LRRC37A2: variants seen among roughly 807,000 people sequenced by gnomAD.
LRRC37A2 encodes the protein leucine-rich repeat-containing protein 37A2.
LRRC37A2 carries 9 observed loss-of-function variants against 68.8 expected under a neutral mutation model. That is an observed-to-expected ratio of 0.13 (90% CI 0.08 to 0.23). LRRC37A2 has a LOEUF of 0.23. Ranked by LOEUF, LRRC37A2 falls within the 10% of genes least tolerant of loss-of-function variation. LRRC37A2 has a pLI of 1.00. For missense variants in LRRC37A2, 168 were observed against 950.4 expected, an observed-to-expected ratio of 0.18 and a Z score of 10.82; for synonymous variants, 63 against 367.6, an observed-to-expected ratio of 0.17 and a Z score of 9.48.
At chr17:46,833,446 T>A in the LRRC37A2 span, 1 of 512,104 alleles carries the variant, frequency 2.0e-6, no homozygotes, top group Non-Finnish European at 3.9e-6. Context: ...AGAAGGTGAG[T>A]GTTAGGGAGG....
At chr17:46,921,511 A>G in the LRRC37A2 span, among the ~76,000 whole-genome samples, 1 of 152,264 alleles carries the variant, frequency 6.6e-6, no homozygotes, top group Non-Finnish European at 1.5e-5. Flanking sequence ...GAGCTTCTGC[A>G]CAGCAAAAGA....
At chr17:46,839,950 TTC>T in the LRRC37A2 span, among the ~76,000 whole-genome samples, 1 of 148,880 alleles carries the variant, frequency 6.7e-6, no homozygotes, top group East Asian at 1.9e-4. Flanking sequence ...CTTTCTTTCT[TTC>T]TTTCTTTCTT....
At chr17:46,725,631 A>C in the LRRC37A2 span, among the ~76,000 whole-genome samples, 1 of 152,188 alleles carries the variant, frequency 6.6e-6, no homozygotes, top group Non-Finnish European at 1.5e-5. Flanking sequence ...TTCTGTACCT[A>C]ATTATAAGTC....
At position 46,537,161 on chromosome 17, in the gene LRRC37A2, C is replaced by CT. The variant is rs1212155417; in HGVS notation, c.2907-2990dup. Among the ~76,000 whole-genome samples, 26 of 7,778 alleles carry CT rather than the reference C, an allele frequency of 3.3e-3. 7 individuals carry two copies. The highest frequency in any genetic ancestry group is 5.8e-3 in the Non-Finnish European group (23 of 3,960). The allele number at this position is 7,778 out of a possible 152,430, so 5.1% of individuals were successfully genotyped here. ...TGAAGGGATGAATTTTTGGATGTCT[C>CT]TTTTTTTTTTTTTTTTTTTTTTTTT... On this transcript the variant is annotated intron_variant, in intron 6 of 14. Transcript: ENST00000576629.
At chr17:46,718,355 A>G in the LRRC37A2 span, among the ~76,000 whole-genome samples, 1 of 152,256 alleles carries the variant, frequency 6.6e-6, no homozygotes, top group Non-Finnish European at 1.5e-5. Context: ...AAAATTATGT[A>G]TAGATCAAAA....
At chr17:47,014,298 G>A in the LRRC37A2 span, among the ~76,000 whole-genome samples, 3 of 148,628 alleles carry the variant, frequency 2.0e-5, no homozygotes, top group Admixed American at 2.0e-4. Context: ...GCTGAGGCAT[G>A]AAAATCGCTT....
the LRRC37A2 span, among the ~76,000 whole-genome samples, chr17:46,824,623 C>T: frequency 2.6e-5 from 4 of 152,352 alleles, no homozygotes; most frequent in East Asian, 7.7e-4. Flanking sequence ...TGTGAAATCT[C>T]CACAAAGAAA....
the LRRC37A2 span, among the ~76,000 whole-genome samples, chr17:46,883,990 C>A: frequency 3.3e-5 from 5 of 152,296 alleles, no homozygotes; most frequent in Middle Eastern, 3.4e-3. Context: ...TGAGCCCCTA[C>A]CCCTGCCCCA....
the LRRC37A2 span, among the ~76,000 whole-genome samples, chr17:46,695,361 T>C: frequency 9.9e-6 from 1 of 100,704 alleles, no homozygotes; most frequent in African/African-American, 4.4e-5. Context: ...TTCAAGCTAT[T>C]GGGCTGGAGA....
the LRRC37A2 span, among the ~76,000 whole-genome samples, chr17:46,794,195 A>T: frequency 6.6e-6 from 1 of 152,034 alleles, no homozygotes; most frequent in Non-Finnish European, 1.5e-5. Flanking sequence ...ACCTCAGGGG[A>T]CTGTGCCCTG....
At position 46,516,132 on chromosome 17, in the gene LRRC37A2, C is replaced by T. The variant is rs532917071; in HGVS notation, c.2609+811C>T. Among the ~76,000 whole-genome samples, 115 of 148,340 alleles carry T rather than the reference C, an allele frequency of 7.8e-4. 3 individuals are homozygous for T. The highest frequency in any genetic ancestry group is 2.8e-3 in the African/African-American group (109 of 39,214). On this transcript the variant is annotated intron_variant, in intron 2 of 14. Coordinates refer to ENST00000576629, the Ensembl canonical transcript of LRRC37A2. Reference sequence around the variant, plus strand: ...TGGCTAACATGGTGAAACCCCATCTCTACTAAAAATACAGAAAAAAATTAG... The same window carrying T: ...TGGCTAACATGGTGAAACCCCATCTTTACTAAAAATACAGAAAAAAATTAG...
chr17:46,872,729 G>A, the LRRC37A2 span: 250 of 1,612,600 alleles, frequency 1.6e-4, 1 homozygote, highest in South Asian at 2.4e-3. Context: ...CGGCATGAGC[G>A]CTGGAACTGT....
the LRRC37A2 span, among the ~76,000 whole-genome samples, chr17:46,723,327 A>G: frequency 6.6e-6 from 1 of 152,204 alleles, no homozygotes; most frequent in Non-Finnish European, 1.5e-5. Context: ...AAATGTTTTG[A>G]AAAGCAAAGC....
chr17:46,490,502 T>C, the LRRC37A2 span, among the ~76,000 whole-genome samples: 3 of 150,952 alleles, frequency 2.0e-5, no homozygotes, highest in South Asian at 2.1e-4. Context: ...GCGGGTGGAT[T>C]GCCTGAGCTC....
In LRRC37A2 at chr17:46,532,288, A is replaced by G. The variant is rs377529924; in HGVS notation, c.2907-7888A>G. 6.9e-4 allele frequency among the ~76,000 whole-genome samples: 104 copies of G among 150,122 alleles called. 2 individuals are homozygous for G. In the East Asian group the frequency reaches 0.018, roughly 26 times the overall value. On this transcript the variant is annotated intron_variant, in intron 6 of 14. Transcript: ENST00000576629. ...GAATCATGCTATTATTATCTGCTTC[A>G]TGTTTACAGAATACTCCGTTGAATT...
At chr17:46,396,772 TGAAAG>T in the LRRC37A2 span, among the ~76,000 whole-genome samples, 1 of 62,724 alleles carries the variant, frequency 1.6e-5, no homozygotes, top group African/African-American at 4.6e-5. Flanking sequence ...TTTAATGACT[TGAAAG>T]GATAATGATG....
chr17:46,940,586 T>G, the LRRC37A2 span: 12 of 1,614,088 alleles, frequency 7.4e-6, no homozygotes, highest in Non-Finnish European at 1.0e-5. Context: ...CAGCACACTT[T>G]GGAGGAAGGT....
chr17:46,936,373 G>A, the LRRC37A2 span: 13 of 985,364 alleles, frequency 1.3e-5, no homozygotes, highest in South Asian at 2.3e-4. Flanking sequence ...GTCTGGCAGC[G>A]CTGGGGCATC....
chr17:47,038,296 G>C, the LRRC37A2 span, among the ~76,000 whole-genome samples: 4 of 152,184 alleles, frequency 2.6e-5, no homozygotes, highest in Admixed American at 2.6e-4. Context: ...GTGAAAACCT[G>C]TCTTGAAAAA....
Sources: gnomAD v4.1 joint callset for allele counts (sites outside exome capture counted in the v4.1 genomes callset) on GRCh38, gnomAD v4.1.1 for gene constraint, MANE v1.5 for transcripts, NCBI Gene and HGNC (gene_info 2026-07-23, HGNC 2026-07-21) for gene names.